Variants in CAPRIN1 observed in about 807,000 individuals in gnomAD.
CAPRIN1 encodes caprin-1.
A neutral mutation model predicts 100.9 loss-of-function variants in CAPRIN1; 29 were observed. That is an observed-to-expected ratio of 0.29 (90% CI 0.21 to 0.39). The LOEUF is 0.39. Among genes scored for constraint, CAPRIN1 ranks in the 10% least tolerant of loss-of-function variants. CAPRIN1 has a pLI of 1.00. For missense variants in CAPRIN1, 795 were observed against 876.7 expected, an observed-to-expected ratio of 0.91 and a Z score of 1.18; for synonymous variants, 338 against 307.5, an observed-to-expected ratio of 1.10 and a Z score of -1.04.
chr11:34,070,084 C>T (rs907926561), intron 2 of CAPRIN1, among the ~76,000 whole-genome samples: 1 of 145,640 alleles, frequency 6.9e-6, no homozygotes, highest in African/African-American at 2.6e-5. Context: ...TAAGTGTTGT[C>T]CTGTTAATTT....
At chr11:34,053,211 A>G (rs1231257391) in intron 2 of CAPRIN1, 4 of 945,468 alleles carry the variant, frequency 4.2e-6, no homozygotes, top group African/African-American at 1.8e-5. Context: ...CGGCAGGCCC[A>G]TTTTGAATGG....
chr11:34,073,429 A>G (rs1850841222), intron 4 of CAPRIN1, among the ~76,000 whole-genome samples: 1 of 152,304 alleles, frequency 6.6e-6, no homozygotes, highest in Non-Finnish European at 1.5e-5. Flanking sequence ...TGCATAACTA[A>G]TATATTTCAA....
rs1247508001 is a variant in CAPRIN1 at position 34,087,523 on chromosome 11, C to T, written c.1231+1110C>T. On this transcript the variant is annotated intron_variant, in intron 11 of 18. Transcript: ENST00000341394. Reference sequence around the variant, plus strand: ...TAATTTTTTGTATTTTTAGTAGAGACGGGGTTTCACTGTTTTAGCCGGGAT... The same window carrying T: ...TAATTTTTTGTATTTTTAGTAGAGATGGGGTTTCACTGTTTTAGCCGGGAT... Among the ~76,000 whole-genome samples the T allele has an allele frequency of 1.5e-4, 19 of 128,396 alleles. 3 individuals are homozygous for T. The highest frequency in any genetic ancestry group is 7.7e-3 in the Middle Eastern group (2 of 260). 84.2% of individuals were successfully genotyped at this position (128,396 alleles called of 152,430 possible). A position where few individuals can be genotyped will look rare whatever the true frequency, so the allele number is the denominator to read the frequency against.
At chr11:34,052,368 G>T in intron 1 of CAPRIN1, 53 bp from the exon 2 acceptor site, 10 of 1,448,026 alleles carry the variant, frequency 6.9e-6, no homozygotes, top group East Asian at 2.3e-5. Flanking sequence ...TCTCCTGACT[G>T]GCCGCTCTTG....
At chr11:34,062,481 C>T (rs182835531) in intron 2 of CAPRIN1, among the ~76,000 whole-genome samples, 2,594 of 151,998 alleles carry the variant, frequency 0.017, 53 homozygotes, top group African/African-American at 0.059. Flanking sequence ...AAAAATTAGC[C>T]GGGCGTGGTG....
At chr11:34,063,511 G>A (rs188862265) in intron 2 of CAPRIN1, 31 of 152,296 alleles carry the variant, frequency 2.0e-4, no homozygotes, top group African/African-American at 6.7e-4. Flanking sequence ...AAAGAAACAG[G>A]ATATAGAGCG....
At position 34,079,352 on chromosome 11, in the gene CAPRIN1, A is replaced by G. The variant is rs191471176; in HGVS notation, c.689-276A>G. Among the ~76,000 whole-genome samples, 70 of 152,326 alleles carry G rather than the reference A, an allele frequency of 4.6e-4. 2 individuals are homozygous for G. The East Asian group carries it at 8.3e-3, about 18-fold the overall frequency. ...GAGGCAGAGGTTGCAGTGAGCTGAG[A>G]TAACGCCACTGCACTCCAGCCTGGG... is the stretch of plus-strand genomic sequence containing the variant. On this transcript the variant is annotated intron_variant, in intron 6 of 18. Transcript: ENST00000341394.
At chr11:34,094,578 A>T (rs10836155) in intron 15 of CAPRIN1, among the ~76,000 whole-genome samples, 1 of 152,034 alleles carries the variant, frequency 6.6e-6, no homozygotes, top group Non-Finnish European at 1.5e-5. Flanking sequence ...TGGGAGGCCC[A>T]CTTGAGACCA....
chr11:34,061,697 C>A (rs569505483), intron 2 of CAPRIN1, among the ~76,000 whole-genome samples: 10 of 152,038 alleles, frequency 6.6e-5, no homozygotes, highest in African/African-American at 2.4e-4. Context: ...CGGCCGGGCA[C>A]AATGGCTCAT....
At position 34,098,610 on chromosome 11, in the gene CAPRIN1, A is replaced by G. The variant is rs886248867; in HGVS notation, c.2066-693A>G. ...AATACTAGTAGAAACTGGCCAGGAA[A>G]AAGGTACATTTTTCTAAAAATTAAT... On this transcript the variant is annotated intron_variant, in intron 18 of 18. Coordinates refer to ENST00000341394, the MANE Select transcript of CAPRIN1 (RefSeq NM_005898.5). The G allele has an allele frequency of 1.5e-5, 15 of 985,288 alleles. No individual in the cohort carries two copies. The African/African-American group carries it at 2.4e-4, about 16-fold the overall frequency. The allele number at this position is 985,288 out of a possible 1,614,324, so 61.0% of individuals were successfully genotyped here.
At chr11:34,090,760 T>G in intron 14 of CAPRIN1, 82 bp downstream of exon 14, 1 of 1,255,610 alleles carries the variant, frequency 8.0e-7, no homozygotes, top group East Asian at 2.4e-5. Context: ...AAGGTCTTCA[T>G]TTAACTGTGC....
intron 13 of CAPRIN1, 117 bp from the exon 14 acceptor site, chr11:34,090,412 T>G: frequency 7.5e-7 from 1 of 1,328,956 alleles, no homozygotes; most frequent in East Asian, 2.3e-5. Context: ...ATGAAATATT[T>G]GAGTTTGTTA....
At chr11:34,061,763 G>C (rs1850583252) in intron 2 of CAPRIN1, among the ~76,000 whole-genome samples, 1 of 151,806 alleles carries the variant, frequency 6.6e-6, no homozygotes, top group South Asian at 2.1e-4. Context: ...CTGATGTCAG[G>C]AGTTGGAGAT....
intron 2 of CAPRIN1, among the ~76,000 whole-genome samples, chr11:34,064,123 ATATCT>A (rs747548158): frequency 6.6e-6 from 1 of 152,114 alleles, no homozygotes; most frequent in Non-Finnish European, 1.5e-5. Context: ...AAAATACTTA[ATATCT>A]TATTTTATTT....
intron 2 of CAPRIN1, among the ~76,000 whole-genome samples, chr11:34,068,429 A>G (rs980523663): frequency 6.6e-6 from 1 of 152,208 alleles, no homozygotes; most frequent in Non-Finnish European, 1.5e-5. Context: ...ATTTTAGAAC[A>G]GTATGTGAGA....
chr11:34,098,967 C>CT, intron 18 of CAPRIN1: 2 of 1,136,040 alleles, frequency 1.8e-6, no homozygotes, highest in Non-Finnish European at 2.2e-6. Flanking sequence ...GAGCAGGTAC[C>CT]TTGTCTGTCT....
At position 34,052,442 on chromosome 11, in the gene CAPRIN1, A is replaced by C. The variant is rs766134761; in HGVS notation, c.22A>C (p.Ser8Arg). The C allele has an allele frequency of 6.2e-7, 1 of 1,607,392 alleles. No individual in the cohort carries two copies. The highest frequency in any genetic ancestry group is 8.5e-7 in the Non-Finnish European group (1 of 1,178,794). ...GAAGATGCCCTCGGCCACCAGCCAC[A>C]GCGGGAGCGGCAGCAAGTCGTCCGG... MPSATSH[S>R]GSGSKSSGPP... Residue 8 changes from serine (S) to arginine (R), a missense_variant, in exon 2 of 19, where the codon AGC becomes CGC. Physicochemically the swap from Ser to Arg is moderately radical, Grantham distance 110. Around this residue, in one of 3 missense-constraint regions of CAPRIN1, gnomAD observed 109 missense variants for 86.6 expected, o/e 1.26. Transcript: ENST00000341394.
chr11:34,085,761 G>A (rs949285731), intron 9 of CAPRIN1, among the ~76,000 whole-genome samples: 3 of 152,076 alleles, frequency 2.0e-5, no homozygotes, highest in East Asian at 3.8e-4. Context: ...TCGAGATCCC[G>A]CCACTGCTGT....
Position 34,090,274 on chromosome 11 carries a change from A to T in CAPRIN1, c.1389A>T (p.Pro463=). 1 of 1,612,682 alleles carries T rather than the reference A, an allele frequency of 6.2e-7. No homozygotes were observed. Among genetic ancestry groups the T allele is most frequent in the Non-Finnish European group, 8.5e-7 (1 of 1,178,698 alleles). The change falls in exon 13 of 19, where the codon CCA becomes CCT. Residue 463 remains proline (P), a synonymous_variant. Transcript: ENST00000341394. ...CAGAGCAACGACCACAGAAGGAACCAATTGATCAGATTCAGGCAAGTTCTG... is the reference window on the plus strand; with the variant it reads ...CAGAGCAACGACCACAGAAGGAACCTATTGATCAGATTCAGGCAAGTTCTG... ...HATEQRPQKE[P]IDQIQATISL... is the part of the protein sequence containing the mutation.
Sources: gnomAD v4.1 joint callset for allele counts (sites outside exome capture counted in the v4.1 genomes callset) on GRCh38, gnomAD v4.1.1 for gene constraint, gnomAD v4.1.1 regional missense constraint, MANE v1.5 for transcripts, NCBI Gene and HGNC (gene_info 2026-07-23, HGNC 2026-07-21) for gene names.